The following CCR1 variants were observed in gnomAD, a reference collection of about 807,000 sequenced individuals.
CCR1 encodes C-C motif chemokine receptor 1, also known as C-C chemokine receptor type 1.
A neutral mutation model predicts 0.3 loss-of-function variants in CCR1; 1 was observed. The ratio of observed to expected loss-of-function variants is 3.70; its 90% CI spans 1.31 to 17.54. CCR1 has a LOEUF of 17.54. CCR1 is among the 30% of genes most tolerant of loss of function. The probability of loss-of-function intolerance (pLI) is 0.11; values close to 1 mark genes in which losing one functional copy is unlikely to be tolerated. For missense variants in CCR1, 349 were observed against 435.4 expected (o/e 0.80, Z 1.77); for synonymous variants, 207 against 182.5 (o/e 1.13, Z -1.08).
intron 1 of CCR1, among the ~76,000 whole-genome samples, chr3:46,205,766 C>A (rs1699642856): frequency 6.6e-6 from 1 of 152,154 alleles, no homozygotes; most frequent in South Asian, 2.1e-4. Flanking sequence ...CCCACCACCA[C>A]CACCTGGCAA....
chr3:46,203,652 C>A lies in CCR1; in HGVS notation c.662G>T (p.Gly221Val). ...TCGTCTTAGCAGAATCTTTATAATC[C>A]CTGTGTAGCAGATGATCATGACCAA... is the stretch of plus-strand genomic sequence containing the variant. Reference protein sequence around the residue: ...PLLVMIICYTGIIKILLRRPN... With the variant: ...PLLVMIICYTVIIKILLRRPN... The change falls in exon 2 of 2, where the codon GGG (glycine) becomes GTG (valine). Residue 221 changes from glycine (G) to valine (V), a missense_variant. Transcript: ENST00000296140. This position sits in a 1 kb window ranked among gnomAD's most constrained non-coding sequence, Gnocchi z 4.5. 6.2e-7 allele frequency: 1 copy of A among 1,614,130 alleles called. No individual in the cohort carries two copies. The highest frequency in any genetic ancestry group is 8.5e-7 in the Non-Finnish European group (1 of 1,180,014).
rs139564577 is a variant in CCR1, at chr3:46,205,367, A to G, written c.-11-1043T>C. ...TCAGAAAAAGAGAAAACTGGGCATC[A>G]GGGGAGGAAGAGTTCAGAATGGTCT... On this transcript the variant is annotated intron_variant, in intron 1 of 1. Coordinates refer to ENST00000296140, the MANE Select transcript of CCR1 (RefSeq NM_001295.3). Among the ~76,000 whole-genome samples the G allele has an allele frequency of 2.2e-3, 332 of 152,320 alleles. 2 individuals are homozygous for G. Among genetic ancestry groups the G allele is most frequent in the African/African-American group, 7.5e-3 (312 of 41,568 alleles).
rs764537530 is a variant in CCR1, at chr3:46,203,522, G to A, written c.792C>T (p.Phe264=). ...ACTCATGGGTGAACAGGAAGTCTTG[G>A]AAAACAGAAATAAGTATAGTCAAAT... ...PYNLTILISV[F]QDFLFTHECE... Residue 264 remains phenylalanine, a synonymous_variant, in exon 2 of 2, where the codon TTC becomes TTT. Transcript: ENST00000296140. This position sits in a 1 kb window ranked among gnomAD's most constrained non-coding sequence, Gnocchi z 4.5. The A allele has an allele frequency of 5.6e-6, 9 of 1,614,168 alleles. No individual in the cohort carries two copies. The highest frequency in any genetic ancestry group is 7.6e-6 in the Non-Finnish European group (9 of 1,180,022).
chr3:46,205,622 C>T (rs951003752), intron 1 of CCR1, among the ~76,000 whole-genome samples: 1 of 152,142 alleles, frequency 6.6e-6, no homozygotes. Context: ...TTGGTGTAAC[C>T]TACGAGCTTT....
intron 1 of CCR1, among the ~76,000 whole-genome samples, chr3:46,207,619 T>G (rs1289377461): frequency 6.6e-6 from 1 of 150,512 alleles, no homozygotes; most frequent in African/African-American, 2.4e-5. Context: ...ATGTTTGGTT[T>G]TCCTTTACAT....
Position 46,202,788 on chromosome 3 carries a change from G to C in CCR1, c.*458C>G, listed in dbSNP as rs199682159. The C allele has an allele frequency of 6.8e-3, 1,010 of 148,094 alleles. 12 individuals are homozygous for C. The highest frequency in any genetic ancestry group is 0.015 in the African/African-American group (601 of 39,298). The allele number at this position is 148,094 out of a possible 1,614,324, so 9.2% of individuals were successfully genotyped here. ...TTTGGCAGTGGGAGGGTGGCGGGGG[G>C]GGGGAGGTGATGGAAGAACAGAAAT... On this transcript the variant is annotated 3_prime_UTR_variant, in exon 2 of 2. Transcript: ENST00000296140.
chr3:46,207,719 A>G (rs897241657), intron 1 of CCR1, among the ~76,000 whole-genome samples: 1 of 149,574 alleles, frequency 6.7e-6, no homozygotes, highest in Non-Finnish European at 1.5e-5. Flanking sequence ...ATCTCAGCTC[A>G]CTGCAACCTC....
Position 46,204,092 on chromosome 3 carries a change from C to T in CCR1, c.222G>A (p.Leu74=). The T allele has an allele frequency of 1.2e-6, 2 of 1,614,140 alleles. No individual in the cohort carries two copies. Among genetic ancestry groups the T allele is most frequent in the East Asian group, 4.5e-5 (2 of 44,880 alleles). Residue 74 remains leucine (L), a synonymous_variant, in exon 2 of 2, where the codon CTG becomes CTA. Coordinates refer to ENST00000296140, the MANE Select transcript of CCR1 (RefSeq NM_001295.3). ...AGAGCAGGTCAGAAATGGCCAGGTTCAGGAGGTAGATGCTGGTCATGTTTT... is the reference window on the plus strand; with the variant it reads ...AGAGCAGGTCAGAAATGGCCAGGTTTAGGAGGTAGATGCTGGTCATGTTTT... ...RLKNMTSIYL[L]NLAISDLLFL...
intron 1 of CCR1, 139 bp from the exon 2 acceptor site, chr3:46,204,463 G>A (rs1004024121): frequency 3.4e-6 from 2 of 587,562 alleles, no homozygotes; most frequent in Non-Finnish European, 5.9e-6. Flanking sequence ...TGTGTACCAT[G>A]CCCTGGGGAC....
At chr3:46,206,311 A>AT (rs1699648131) in intron 1 of CCR1, among the ~76,000 whole-genome samples, 1 of 152,088 alleles carries the variant, frequency 6.6e-6, no homozygotes, top group African/African-American at 2.4e-5. Context: ...AGGAGCTTTA[A>AT]TTTTTTATCA....
Position 46,203,505 on chromosome 3 carries a change from G to A in CCR1, c.809C>T (p.Thr270Ile). ...LISVFQDFLFTHECEQSRHLD... is the reference protein window; with the variant it reads ...LISVFQDFLFIHECEQSRHLD... ...ATGTCTGCTCTGCTCACACTCATGGGTGAACAGGAAGTCTTGGAAAACAGA... is the reference window on the plus strand; with the variant it reads ...ATGTCTGCTCTGCTCACACTCATGGATGAACAGGAAGTCTTGGAAAACAGA... The change falls in exon 2 of 2, where the codon ACC becomes ATC. Residue 270 changes from threonine to isoleucine, a missense_variant. Transcript: ENST00000296140. This position sits in a 1 kb window ranked among gnomAD's most constrained non-coding sequence, Gnocchi z 4.5. 1 of 1,614,192 alleles carries A rather than the reference G, an allele frequency of 6.2e-7. No individual in the cohort carries two copies.
rs1227378748 is a variant in CCR1 at position 46,202,748 on chromosome 3, A to G, written c.*498T>C. The G allele has an allele frequency of 2.1e-5, 3 of 143,474 alleles. No individual in the cohort carries two copies. Among genetic ancestry groups the G allele is most frequent in the Non-Finnish European group, 4.5e-5 (3 of 66,572 alleles). 8.9% of individuals were successfully genotyped at this position (143,474 alleles called of 1,614,324 possible). A position where few individuals can be genotyped will look rare whatever the true frequency, so the allele number is the denominator to read the frequency against. ...TCAGAGTGGAGTCACTGTGGAAATC[A>G]CTATTTCCAAGTTCTTTGGCAGTGG... On this transcript the variant is annotated 3_prime_UTR_variant, in exon 2 of 2. Transcript: ENST00000296140.
intron 1 of CCR1, among the ~76,000 whole-genome samples, chr3:46,207,816 T>G (rs1699660099): frequency 6.6e-6 from 1 of 152,072 alleles, no homozygotes; most frequent in Non-Finnish European, 1.5e-5. Flanking sequence ...GGCTAATTTT[T>G]ATTTTTAGTA....
Position 46,203,068 on chromosome 3 carries a change from C to A in CCR1, c.*178G>T. The A allele has an allele frequency of 1.8e-6, 1 of 550,870 alleles. No homozygotes were observed. The highest frequency in any genetic ancestry group is 2.7e-5 in the South Asian group (1 of 36,524). 34.1% of individuals were successfully genotyped at this position (550,870 alleles called of 1,614,324 possible). On this transcript the variant is annotated 3_prime_UTR_variant, in exon 2 of 2. Coordinates refer to ENST00000296140, the MANE Select transcript of CCR1 (RefSeq NM_001295.3). The surrounding 1 kb of genome is among the most constrained non-coding windows in gnomAD (Gnocchi z 4.5). ...CCAGGGGAGAAGTTCATGGAAAAGA[C>A]TGAAGCCCCAGAAGCCTCAGAAGCC...
chr3:46,204,416 T>A, intron 1 of CCR1, 92 bp from the exon 2 acceptor site: 1 of 788,340 alleles, frequency 1.3e-6, no homozygotes, highest in Non-Finnish European at 2.0e-6. Context: ...AGGTAACATT[T>A]TTTCAGCCAC....
At chr3:46,207,803 C>T (rs745824520) in intron 1 of CCR1, among the ~76,000 whole-genome samples, 4 of 152,020 alleles carry the variant, frequency 2.6e-5, no homozygotes, top group Non-Finnish European at 5.9e-5. Context: ...CGCCACCATG[C>T]CCGGCTAATT....
rs1255229458 is a variant in CCR1, at chr3:46,202,919, G to A, written c.*327C>T. Reference sequence around the variant, plus strand: ...TTTGTGCAAGCAATAGTGGGAAGTGGGTGACTTTGTTGACAAATGCTAATG... The same window carrying A: ...TTTGTGCAAGCAATAGTGGGAAGTGAGTGACTTTGTTGACAAATGCTAATG... On this transcript the variant is annotated 3_prime_UTR_variant, in exon 2 of 2. Transcript: ENST00000296140. 3.9e-6 allele frequency: 1 copy of A among 254,374 alleles called. No homozygotes were observed. The highest frequency in any genetic ancestry group is 8.6e-5 in the East Asian group (1 of 11,600). The allele number at this position is 254,374 out of a possible 1,614,324, so 15.8% of individuals were successfully genotyped here. A position where few individuals can be genotyped will look rare whatever the true frequency, so the allele number is the denominator to read the frequency against.
At chr3:46,208,058 A>G (rs1334616339) in intron 1 of CCR1, among the ~76,000 whole-genome samples, 1 of 152,186 alleles carries the variant, frequency 6.6e-6, no homozygotes, top group Non-Finnish European at 1.5e-5. Flanking sequence ...TTTTAGCAAA[A>G]AAGCCTATAT....
chr3:46,203,936 C>T lies in CCR1; in HGVS notation c.378G>A (p.Leu126=), dbSNP rs1369714493. Residue 126 remains leucine, a synonymous_variant, in exon 2 of 2, where the codon CTG becomes CTA. Coordinates refer to ENST00000296140, the MANE Select transcript of CCR1 (RefSeq NM_001295.3). The surrounding 1 kb of genome is among the most constrained non-coding windows in gnomAD (Gnocchi z 4.5). ...TGGCCAGGTACCTGTCAATCGTCAG[C>T]AGGATGATGAAAAAGATCTCGCTGT... ...GLYSEIFFII[L]LTIDRYLAIV... 1.9e-6 allele frequency: 3 copies of T among 1,613,950 alleles called. No individual in the cohort carries two copies. The highest frequency in any genetic ancestry group is 2.5e-6 in the Non-Finnish European group (3 of 1,180,020).
Sources: gnomAD v4.1 joint callset for allele counts (sites outside exome capture counted in the v4.1 genomes callset) on GRCh38, gnomAD v4.1.1 for gene constraint, Gnocchi (gnomAD v3.1) non-coding constraint, MANE v1.5 for transcripts, NCBI Gene and HGNC (gene_info 2026-07-23, HGNC 2026-07-21) for gene names.